The following BUB1B variants were observed in gnomAD, a reference collection of about 807,000 sequenced individuals.
BUB1B encodes the protein mitotic checkpoint serine/threonine-protein kinase BUB1 beta.
BUB1B carries 86 observed loss-of-function variants against 137.7 expected under a neutral mutation model. The observed-to-expected ratio is 0.62, with a 90% CI of 0.52 to 0.75. The LOEUF is 0.75. Ranked by LOEUF, BUB1B falls within the 30% of genes least tolerant of loss-of-function variation. The pLI is 0.00. For missense variants in BUB1B, 1,130 were observed against 1,236.9 expected, an observed-to-expected ratio of 0.91 and a Z score of 1.30; for synonymous variants, 420 against 417.9, an observed-to-expected ratio of 1.00 and a Z score of -0.06.
chr15:40,170,708 GTTTTAAATAT>G (rs761258585), intron 4 of BUB1B, 27 bp downstream of exon 4: 2 of 1,607,504 alleles, frequency 1.2e-6, no homozygotes. Context: ...TGCCATCTGA[GTTTTAAATAT>G]TAAACTAAGA....
intron 9 of BUB1B, among the ~76,000 whole-genome samples, chr15:40,197,209 C>T (rs2037509630): frequency 6.6e-6 from 1 of 152,164 alleles, no homozygotes; most frequent in Non-Finnish European, 1.5e-5. Context: ...TCTGAAATTT[C>T]TCCAAGGGCT....
At chr15:40,187,102 A>G (rs891333176) in intron 8 of BUB1B, 1 of 149,052 alleles carries the variant, frequency 6.7e-6, no homozygotes, top group Non-Finnish European at 1.5e-5. Context: ...CCTGGGCAAC[A>G]TAGCAAAAAC....
intron 8 of BUB1B, among the ~76,000 whole-genome samples, chr15:40,191,186 C>T (rs1485387150): frequency 1.3e-5 from 2 of 152,262 alleles, no homozygotes; most frequent in African/African-American, 4.8e-5. Flanking sequence ...CTGCGCCTGG[C>T]CAGAATGACT....
intron 8 of BUB1B, among the ~76,000 whole-genome samples, chr15:40,189,924 C>T (rs1006691457): frequency 8.2e-4 from 124 of 152,132 alleles, no homozygotes; most frequent in Admixed American, 1.3e-4. Flanking sequence ...AGTGGTATTT[C>T]GCTGGTTTTG....
At chr15:40,218,794 GCT>G (rs1418220405) in intron 22 of BUB1B, among the ~76,000 whole-genome samples, 3 of 152,224 alleles carry the variant, frequency 2.0e-5, no homozygotes, top group Non-Finnish European at 2.9e-5. Flanking sequence ...TCTGAATCTA[GCT>G]GTATCTTCCA....
intron 4 of BUB1B, 36 bp downstream of exon 4, chr15:40,170,717 A>G (rs2037152549): frequency 1.2e-6 from 2 of 1,601,404 alleles, no homozygotes; most frequent in African/African-American, 2.7e-5. Flanking sequence ...AGTTTTAAAT[A>G]TTAAACTAAG....
intron 2 of BUB1B, among the ~76,000 whole-genome samples, chr15:40,167,709 G>A (rs1484314871): frequency 2.6e-5 from 4 of 151,764 alleles, no homozygotes; most frequent in Non-Finnish European, 4.4e-5. Context: ...TATGGTGTGG[G>A]GTTGGAGTAA....
chr15:40,191,029 A>C (rs2037430772), intron 8 of BUB1B, among the ~76,000 whole-genome samples: 1 of 152,056 alleles, frequency 6.6e-6, no homozygotes, highest in Admixed American at 6.6e-5. Context: ...CTGAGATTAC[A>C]GGCTTGTGCC....
chr15:40,180,550 G>A (rs1436773708), intron 5 of BUB1B, among the ~76,000 whole-genome samples: 4 of 151,456 alleles, frequency 2.6e-5, no homozygotes, highest in East Asian at 3.9e-4. Flanking sequence ...ACAGGCATGA[G>A]CCACTGTACC....
chr15:40,215,179 C>T (rs190177756), intron 20 of BUB1B, among the ~76,000 whole-genome samples: 105 of 152,182 alleles, frequency 6.9e-4, no homozygotes, highest in African/African-American at 2.4e-3. Flanking sequence ...GAATTAAAAG[C>T]CAGAAAGGGG....
Position 40,220,934 on chromosome 15 carries a change from T to A in BUB1B, c.*175T>A. 3 of 690,390 alleles carry A rather than the reference T, an allele frequency of 4.3e-6. No individual in the cohort carries two copies. The highest frequency in any genetic ancestry group is 3.4e-5 in the South Asian group (2 of 59,100). The allele number at this position is 690,390 out of a possible 1,614,324, so 42.8% of individuals were successfully genotyped here. On this transcript the variant is annotated 3_prime_UTR_variant, in exon 23 of 23. Transcript: ENST00000287598. ...CACTGATATTTTTTATACAGTGATA[T>A]ACTTACTCATGGCCTTGTCTAACTT...
At chr15:40,203,237 C>G (rs959005330) in intron 14 of BUB1B, among the ~76,000 whole-genome samples, 2 of 152,166 alleles carry the variant, frequency 1.3e-5, no homozygotes, top group African/African-American at 4.8e-5. Context: ...GAATGAAGTA[C>G]TAATACCTGT....
chr15:40,197,360 A>C (rs1308947253), intron 9 of BUB1B, among the ~76,000 whole-genome samples: 2 of 152,184 alleles, frequency 1.3e-5, no homozygotes, highest in African/African-American at 4.8e-5. Context: ...AACAGGAAGC[A>C]GTTCTGATTC....
Position 40,185,147 on chromosome 15 carries a change from T to TA in BUB1B, c.752-16dup. On this transcript the variant is annotated splice_polypyrimidine_tract_variant and intron_variant, in intron 6 of 22. Transcript: ENST00000287598. ...TAATGAAACATTTTACATGAGGTTT[T>TA]AATATTTTTGCTCCTAGCTCCAAGC... 1 of 1,594,744 alleles carries TA rather than the reference T, an allele frequency of 6.3e-7. No homozygotes were observed. Among genetic ancestry groups the TA allele is most frequent in the Non-Finnish European group, 8.6e-7 (1 of 1,162,984 alleles).
At chr15:40,166,765 T>TGA (rs1370385407) in intron 2 of BUB1B, among the ~76,000 whole-genome samples, 5 of 152,256 alleles carry the variant, frequency 3.3e-5, no homozygotes, top group African/African-American at 1.2e-4. Context: ...CAGCAACTCA[T>TGA]GAGAGTTCAT....
At chr15:40,176,742 G>T in intron 5 of BUB1B, 69 bp downstream of exon 5, 3 of 1,512,134 alleles carry the variant, frequency 2.0e-6, no homozygotes, top group Non-Finnish European at 2.7e-6. Context: ...TTTTGCATCT[G>T]AATAAAGTGC....
intron 18 of BUB1B, among the ~76,000 whole-genome samples, 191 bp downstream of exon 18, chr15:40,210,401 A>G (rs1430504051): frequency 6.6e-6 from 1 of 152,158 alleles, no homozygotes; most frequent in Non-Finnish European, 1.5e-5. Flanking sequence ...AATCTGGACA[A>G]GTTATACATT....
At chr15:40,207,361 T>C (rs1329294378) in intron 15 of BUB1B, among the ~76,000 whole-genome samples, 1 of 152,250 alleles carries the variant, frequency 6.6e-6, no homozygotes, top group African/African-American at 2.4e-5. Flanking sequence ...CCTGGCACTT[T>C]GGGAGGCTGA....
chr15:40,196,684 A>T lies in BUB1B; in HGVS notation c.1198A>T (p.Lys400Ter). ...GAAGAAAGAGAAGATGATGTATTGT[A>T]AGGAGAAGATTTATGCAGGAGTAGG... ...EEKKEKMMYC[K>*]EKIYAGVGEF... Residue 400 changes from lysine to a stop codon, truncating the protein, a stop_gained, in exon 9 of 23, where the codon AAG becomes TAG. Coordinates refer to ENST00000287598, the MANE Select transcript of BUB1B (RefSeq NM_001211.6). LOFTEE classifies it high-confidence loss of function. 4.3e-6 allele frequency: 7 copies of T among 1,614,046 alleles called. No homozygotes were observed. Among genetic ancestry groups the T allele is most frequent in the Non-Finnish European group, 5.9e-6 (7 of 1,179,932 alleles).
Sources: gnomAD v4.1 joint callset for allele counts (sites outside exome capture counted in the v4.1 genomes callset) on GRCh38, gnomAD v4.1.1 for gene constraint, MANE v1.5 for transcripts, NCBI Gene and HGNC (gene_info 2026-07-23, HGNC 2026-07-21) for gene names.